The following STK31 variants were observed in gnomAD, a reference collection of about 807,000 sequenced individuals.
The protein encoded by STK31 is serine/threonine-protein kinase 31.
Under a neutral mutation model 129.7 loss-of-function variants are expected in STK31, and 89 were observed. The observed-to-expected ratio is 0.69, with a 90% confidence interval of 0.58 to 0.82. The LOEUF (loss-of-function observed/expected upper bound fraction) is 0.82, where lower values mean the gene tolerates loss of function less well. STK31 is among the 40% of genes least tolerant of loss of function. STK31 has a pLI of 0.00. For synonymous variants in STK31, 448 were observed against 395.3 expected, an observed-to-expected ratio of 1.13 and a Z score of -1.58; for missense variants, 1,187 against 1,176.4, an observed-to-expected ratio of 1.01 and a Z score of -0.13.
intron 21 of STK31, 142 bp downstream of exon 21, chr7:23,788,271 T>C (rs535373594): frequency 1.5e-6 from 1 of 687,464 alleles, no homozygotes; most frequent in East Asian, 3.4e-5. Context: ...TAAGCAACTA[T>C]TTGCCCTCAG....
At chr7:23,787,696 T>C (rs1490573010) in intron 20 of STK31, among the ~76,000 whole-genome samples, 1 of 150,254 alleles carries the variant, frequency 6.7e-6, no homozygotes, top group Non-Finnish European at 1.5e-5. Context: ...CATGGAAAAA[T>C]TGTCTTTCAT....
Position 23,831,681 on chromosome 7 carries a change from TGGTTTTCTGTCG to T in STK31, c.2830-454_2830-443del, listed in dbSNP as rs569007928. On this transcript the variant is annotated intron_variant, in intron 23 of 23. Transcript: ENST00000355870. Reference sequence around the variant, plus strand: ...TTCTCTCTTATTCATTGTGGTTTGGTGGTTTTCTGTCGTGGTAACACTTGAATTATTTCTTTT... The same window carrying T: ...TTCTCTCTTATTCATTGTGGTTTGGTTGGTAACACTTGAATTATTTCTTTT... Among the ~76,000 whole-genome samples, 754 of 152,338 alleles carry T rather than the reference TGGTTTTCTGTCG, an allele frequency of 4.9e-3. 2 individuals carry two copies. The highest frequency in any genetic ancestry group is 7.5e-3 in the Non-Finnish European group (512 of 68,030).
At chr7:23,770,223 G>A (rs369091984) in intron 13 of STK31, among the ~76,000 whole-genome samples, 3 of 152,228 alleles carry the variant, frequency 2.0e-5, no homozygotes, top group East Asian at 3.9e-4. Context: ...AAAAATTAGT[G>A]TAGCTACTCC....
chr7:23,759,687 C>T (rs1789334746), intron 10 of STK31, among the ~76,000 whole-genome samples: 1 of 152,128 alleles, frequency 6.6e-6, no homozygotes, highest in Admixed American at 6.5e-5. Flanking sequence ...TCTTTGTTCC[C>T]TTGGTAATGT....
At chr7:23,734,355 C>T (rs1305586335) in intron 6 of STK31, among the ~76,000 whole-genome samples, 4 of 152,090 alleles carry the variant, frequency 2.6e-5, no homozygotes, top group African/African-American at 9.7e-5. Context: ...TTTATATATT[C>T]CGAAAAAGAA....
intron 8 of STK31, among the ~76,000 whole-genome samples, chr7:23,740,008 A>G (rs1236189313): frequency 6.6e-6 from 1 of 152,204 alleles, no homozygotes; most frequent in Non-Finnish European, 1.5e-5. Context: ...AGTTCTGTGA[A>G]GAAAGTCAGT....
rs1342186059 is a variant in STK31, at chr7:23,711,974, T to C, written c.51-125T>C. 2.0e-5 allele frequency: 15 copies of C among 765,168 alleles called. No homozygotes were observed. In the Admixed American group the frequency reaches 4.8e-4, roughly 25 times the overall value. The allele number at this position is 765,168 out of a possible 1,614,324, so 47.4% of individuals were successfully genotyped here. The stretch of plus-strand genomic sequence containing the variant: ...GGAAATATTGAGCTCATTTTTAATA[T>C]AGAGTTTGAATTTTGATAACTGCAT... On this transcript the variant is annotated intron_variant, in intron 1 of 23. Coordinates refer to ENST00000355870, the MANE Select transcript of STK31 (RefSeq NM_031414.5).
chr7:23,764,163 G>A (rs1289926871), intron 11 of STK31, among the ~76,000 whole-genome samples: 1 of 152,214 alleles, frequency 6.6e-6, no homozygotes, highest in Non-Finnish European at 1.5e-5. Context: ...GAATGTTGAA[G>A]TAAGCCTTGC....
At chr7:23,717,097 C>CTTTTTTTTTTTTTTTTTTTTTT (rs70956911) in intron 3 of STK31, among the ~76,000 whole-genome samples, 5 of 42,956 alleles carry the variant, frequency 1.2e-4, no homozygotes, top group Non-Finnish European at 1.3e-4. Flanking sequence ...TCGCAACCTG[C>CTTTTTTTTTTTTTTTTTTTTTT]TTTTTTTTTT....
At chr7:23,730,631 G>A (rs1023336253) in intron 6 of STK31, among the ~76,000 whole-genome samples, 2 of 151,608 alleles carry the variant, frequency 1.3e-5, no homozygotes, top group African/African-American at 4.8e-5. Flanking sequence ...ATAATTAAAT[G>A]ACTTCAAGTC....
At chr7:23,782,149 A>C (rs1790967858) in intron 16 of STK31, among the ~76,000 whole-genome samples, 1 of 152,156 alleles carries the variant, frequency 6.6e-6, no homozygotes, top group Non-Finnish European at 1.5e-5. Context: ...TGTTACCAGG[A>C]AGAAGTTAGT....
At chr7:23,711,190 G>A (rs1785937265) in intron 1 of STK31, among the ~76,000 whole-genome samples, 1 of 152,194 alleles carries the variant, frequency 6.6e-6, no homozygotes, top group South Asian at 2.1e-4. Flanking sequence ...TGTAATCCCG[G>A]CACTTTGAGA....
chr7:23,765,292 A>G (rs1410316736), intron 11 of STK31, among the ~76,000 whole-genome samples: 2 of 152,040 alleles, frequency 1.3e-5, no homozygotes, highest in Non-Finnish European at 2.9e-5. Flanking sequence ...GAGCTCAGGC[A>G]GTCTACCCAC....
At chr7:23,741,117 A>G (rs1023700734) in intron 8 of STK31, among the ~76,000 whole-genome samples, 3 of 152,046 alleles carry the variant, frequency 2.0e-5, no homozygotes, top group Non-Finnish European at 2.9e-5. Context: ...TACTCTTTGG[A>G]AGTCTCTTTA....
chr7:23,804,200 G>A lies in STK31; in HGVS notation c.2761-10944G>A, dbSNP rs530851608. ...CCCAAAGTGCTGGGATTACAGGCAT[G>A]AACTACCACGTCTGTCCCCCTTTTA... On this transcript the variant is annotated intron_variant, in intron 22 of 23. Transcript: ENST00000355870. 2.6e-5 allele frequency among the ~76,000 whole-genome samples: 4 copies of A among 152,264 alleles called. No individual in the cohort carries two copies. In the South Asian group the frequency reaches 8.3e-4, roughly 32 times the overall value.
intron 6 of STK31, among the ~76,000 whole-genome samples, chr7:23,731,445 C>T (rs2128076652): frequency 6.6e-6 from 1 of 152,284 alleles, no homozygotes; most frequent in African/African-American, 2.4e-5. Flanking sequence ...TCCTCCCCTA[C>T]AAGCTTAGTG....
At chr7:23,766,414 C>T (rs1445405141) in intron 11 of STK31, among the ~76,000 whole-genome samples, 4 of 152,132 alleles carry the variant, frequency 2.6e-5, no homozygotes, top group Non-Finnish European at 5.9e-5. Context: ...AGGCATGCAC[C>T]ACTGTGCCCG....
rs762089799 is a variant in STK31 at position 23,786,659 on chromosome 7, C to T, written c.2400+26C>T. 2.5e-6 allele frequency: 4 copies of T among 1,596,816 alleles called. No homozygotes were observed. The South Asian group carries it at 4.6e-5, about 18-fold the overall frequency. ...GTAAAGTTCTTATGCTAATCTCTTG[C>T]AGAAACCATTTTATCTTGCAGAAAC... On this transcript the variant is annotated intron_variant, in intron 19 of 23. Transcript: ENST00000355870.
rs187974120 is a variant in STK31, at chr7:23,756,135, A to G, written c.1293+1661A>G. ...GAGTCTTCCTATCCATGAGGATGGA[A>G]TATTTTTCCATTTGTTTGTGTCCTC... On this transcript the variant is annotated intron_variant, in intron 10 of 23. Transcript: ENST00000355870. Among the ~76,000 whole-genome samples, 4 of 152,288 alleles carry G rather than the reference A, an allele frequency of 2.6e-5. No homozygotes were observed. In the East Asian group the frequency reaches 7.7e-4, roughly 29 times the overall value.
Sources: gnomAD v4.1 joint callset for allele counts (sites outside exome capture counted in the v4.1 genomes callset) on GRCh38, gnomAD v4.1.1 for gene constraint, MANE v1.5 for transcripts, NCBI Gene and HGNC (gene_info 2026-07-23, HGNC 2026-07-21) for gene names.